GPATCH2: variants seen among roughly 807,000 people sequenced by gnomAD.
GPATCH2 encodes the protein G patch domain-containing protein 2.
Under a neutral mutation model 58.0 loss-of-function variants are expected in GPATCH2, and 51 were observed. That is an observed-to-expected ratio of 0.88 (90% CI 0.70 to 1.11). GPATCH2 has a LOEUF of 1.11. Ranked by LOEUF, GPATCH2 falls within the 50% of genes most tolerant of loss-of-function variation. The probability of loss-of-function intolerance (pLI) is 0.00; values close to 1 mark genes in which losing one functional copy is unlikely to be tolerated. For synonymous variants in GPATCH2, 222 were observed against 218.5 expected, an observed-to-expected ratio of 1.02 and a Z score of -0.14; for missense variants, 625 against 652.2, an observed-to-expected ratio of 0.96 and a Z score of 0.45.
intron 5 of GPATCH2, among the ~76,000 whole-genome samples, chr1:217,593,470 C>T (rs965329730): frequency 6.6e-6 from 1 of 151,948 alleles, no homozygotes; most frequent in African/African-American, 2.4e-5. Flanking sequence ...ATGTATTAAT[C>T]ATAACCAAGC....
chr1:217,533,052 C>A (rs977458945), intron 5 of GPATCH2, among the ~76,000 whole-genome samples: 12 of 151,476 alleles, frequency 7.9e-5, no homozygotes, highest in African/African-American at 2.4e-4. Flanking sequence ...ATGCATAGCA[C>A]CATGCCCACC....
chr1:217,628,411 AT>A (rs1669564176), intron 1 of GPATCH2, among the ~76,000 whole-genome samples: 1 of 149,622 alleles, frequency 6.7e-6, no homozygotes, highest in African/African-American at 2.5e-5. Context: ...AATTTAATGA[AT>A]TACTTGAACA....
chr1:217,493,897 T>G (rs1490045394), intron 7 of GPATCH2, among the ~76,000 whole-genome samples: 2 of 152,052 alleles, frequency 1.3e-5, no homozygotes, highest in Admixed American at 1.3e-4. Flanking sequence ...TGAACACTAT[T>G]CCTGAGGCTT....
intron 5 of GPATCH2, among the ~76,000 whole-genome samples, chr1:217,569,732 A>C (rs544597066): frequency 2.0e-5 from 3 of 152,216 alleles, no homozygotes; most frequent in African/African-American, 7.2e-5. Flanking sequence ...ATAAGGCCAA[A>C]GGTTAAAAGA....
chr1:217,532,317 T>G (rs565634093), intron 5 of GPATCH2, among the ~76,000 whole-genome samples: 6 of 152,334 alleles, frequency 3.9e-5, no homozygotes, highest in Admixed American at 1.3e-4. Context: ...AAGATTCTAA[T>G]TATTATCTCA....
chr1:217,599,278 C>A (rs1397187190), intron 5 of GPATCH2, among the ~76,000 whole-genome samples: 1 of 152,138 alleles, frequency 6.6e-6, no homozygotes, highest in East Asian at 1.9e-4. Flanking sequence ...AGCATAACCA[C>A]ACTTTAGAAA....
rs1302952259 is a variant in GPATCH2, at chr1:217,427,161, A to G, written c.*3984T>C. 6.6e-6 allele frequency: 1 copy of G among 152,172 alleles called. No individual in the cohort carries two copies. Among genetic ancestry groups the G allele is most frequent in the African/African-American group, 2.4e-5 (1 of 41,444 alleles). 9.4% of individuals were successfully genotyped at this position (152,172 alleles called of 1,614,324 possible). A position where few individuals can be genotyped will look rare whatever the true frequency, so the allele number is the denominator to read the frequency against. On this transcript the variant is annotated 3_prime_UTR_variant, in exon 10 of 10. Transcript: ENST00000366935. ...GTGATTGTAACAGATTTGAACTCTG[A>G]TACTTTAAGTGGTCAGAGAGAGCGT...
At chr1:217,508,662 CAT>C (rs1428612861) in intron 6 of GPATCH2, among the ~76,000 whole-genome samples, 1 of 151,948 alleles carries the variant, frequency 6.6e-6, no homozygotes, top group East Asian at 1.9e-4. Context: ...TTAATGTAGT[CAT>C]ATATTAATTT....
chr1:217,563,347 A>T (rs1456096357), intron 5 of GPATCH2, among the ~76,000 whole-genome samples: 1 of 152,180 alleles, frequency 6.6e-6, no homozygotes, highest in African/African-American at 2.4e-5. Flanking sequence ...TAAATAAAAA[A>T]TCATACTATA....
At chr1:217,603,710 C>T (rs964920823) in intron 5 of GPATCH2, among the ~76,000 whole-genome samples, 5 of 152,110 alleles carry the variant, frequency 3.3e-5, no homozygotes, top group Non-Finnish European at 5.9e-5. Flanking sequence ...GCAACCTCCA[C>T]TTCCTGAGTT....
At chr1:217,590,465 G>C (rs1378028560) in intron 5 of GPATCH2, among the ~76,000 whole-genome samples, 1 of 151,994 alleles carries the variant, frequency 6.6e-6, no homozygotes, top group Non-Finnish European at 1.5e-5. Context: ...CCACCTTAAG[G>C]TTGCATTAAG....
chr1:217,582,195 G>A (rs1404709532), intron 5 of GPATCH2, among the ~76,000 whole-genome samples: 1 of 152,022 alleles, frequency 6.6e-6, no homozygotes, highest in Non-Finnish European at 1.5e-5. Flanking sequence ...CTCTTCCTGT[G>A]CCATTCCCCG....
chr1:217,456,452 G>A (rs1659947601), intron 8 of GPATCH2, among the ~76,000 whole-genome samples: 1 of 152,128 alleles, frequency 6.6e-6, no homozygotes, highest in African/African-American at 2.4e-5. Flanking sequence ...GTGTCAGAAG[G>A]CTTCTGAAGG....
chr1:217,577,249 T>C (rs1020706678), intron 5 of GPATCH2, among the ~76,000 whole-genome samples: 1 of 152,236 alleles, frequency 6.6e-6, no homozygotes, highest in Admixed American at 6.5e-5. Context: ...ATGTTATCTT[T>C]TCTTAAAAAG....
Position 217,595,976 on chromosome 1 carries a change from TA to T in GPATCH2, c.1098+14344del, listed in dbSNP as rs1391799981. Among the ~76,000 whole-genome samples the T allele has an allele frequency of 2.6e-5, 4 of 152,102 alleles. No individual in the cohort carries two copies. The East Asian group carries it at 7.7e-4, about 29-fold the overall frequency. On this transcript the variant is annotated intron_variant, in intron 5 of 9. Transcript: ENST00000366935. ...ACAGGTAACAGAATAATTTACTTTT[TA>T]ATAAACTTGAGAAAGAAAAAACCTA...
At chr1:217,585,345 G>A (rs756157005) in intron 5 of GPATCH2, among the ~76,000 whole-genome samples, 5 of 152,072 alleles carry the variant, frequency 3.3e-5, no homozygotes, top group African/African-American at 4.8e-5. Flanking sequence ...CAGCAGTGCC[G>A]GGCGCGGTGG....
intron 5 of GPATCH2, among the ~76,000 whole-genome samples, chr1:217,535,088 T>G (rs1359044464): frequency 2.0e-5 from 3 of 152,218 alleles, no homozygotes; most frequent in Non-Finnish European, 4.4e-5. Context: ...ATGCTAGTTC[T>G]TATGCCTAGC....
At chr1:217,614,734 G>T (rs1332907517) in intron 2 of GPATCH2, among the ~76,000 whole-genome samples, 2 of 150,210 alleles carry the variant, frequency 1.3e-5, no homozygotes, top group African/African-American at 2.5e-5. Flanking sequence ...AGTTTAAAAC[G>T]GTGATAATCC....
In GPATCH2 at chr1:217,549,226, T is replaced by C. The variant is rs1337578410; in HGVS notation, c.1099-34337A>G. Among the ~76,000 whole-genome samples, 5 of 152,310 alleles carry C rather than the reference T, an allele frequency of 3.3e-5. No individual in the cohort carries two copies. The South Asian group carries it at 1.0e-3, about 32-fold the overall frequency. On this transcript the variant is annotated intron_variant, in intron 5 of 9. Coordinates refer to ENST00000366935, the MANE Select transcript of GPATCH2 (RefSeq NM_018040.5). ...TATGGGTTAGACATCATGGGAGATATATTTTAATTAATCTCAATTAATGAC... is the reference window on the plus strand; with the variant it reads ...TATGGGTTAGACATCATGGGAGATACATTTTAATTAATCTCAATTAATGAC...
Sources: gnomAD v4.1 joint callset for allele counts (sites outside exome capture counted in the v4.1 genomes callset) on GRCh38, gnomAD v4.1.1 for gene constraint, MANE v1.5 for transcripts, NCBI Gene and HGNC (gene_info 2026-07-23, HGNC 2026-07-21) for gene names.